RALGAPA2: variants seen among roughly 807,000 people sequenced by gnomAD.
RALGAPA2 encodes ral GTPase-activating protein subunit alpha-2.
Under a neutral mutation model 230.4 loss-of-function variants are expected in RALGAPA2, and 139 were observed. The observed-to-expected ratio is 0.60, with a 90% CI of 0.53 to 0.69. RALGAPA2 has a LOEUF of 0.69. Ranked by LOEUF, RALGAPA2 falls within the 30% of genes least tolerant of loss-of-function variation. The pLI is 0.00. For synonymous variants in RALGAPA2, 847 were observed against 837.8 expected (o/e 1.01, Z -0.19); for missense variants, 2,163 against 2,276.0 (o/e 0.95, Z 1.01).
intron 9 of RALGAPA2, among the ~76,000 whole-genome samples, chr20:20,631,153 G>C (rs1350867509): frequency 1.3e-5 from 2 of 152,190 alleles, no homozygotes; most frequent in Non-Finnish European, 2.9e-5. Context: ...TTGGAGCCCT[G>C]AGTAGGCATA....
intron 36 of RALGAPA2, among the ~76,000 whole-genome samples, chr20:20,490,996 G>A (rs536674058): frequency 1.3e-5 from 2 of 151,942 alleles, no homozygotes; most frequent in African/African-American, 2.4e-5. Context: ...GGAAAGGTAC[G>A]GGCAGCTAGG....
chr20:20,490,067 TA>T (rs1438692692), intron 36 of RALGAPA2, among the ~76,000 whole-genome samples: 1 of 152,196 alleles, frequency 6.6e-6, no homozygotes, highest in African/African-American at 2.4e-5. Context: ...TTGTGAAAGA[TA>T]AAACAGCAGC....
chr20:20,394,916 G>GAAAAA (rs2059679479), intron 39 of RALGAPA2, among the ~76,000 whole-genome samples: 1 of 123,928 alleles, frequency 8.1e-6, no homozygotes, highest in Non-Finnish European at 1.6e-5. Flanking sequence ...AAAAAGGCAA[G>GAAAAA]TAAATGAAAG....
At chr20:20,535,605 T>C in intron 26 of RALGAPA2, 140 bp downstream of exon 26, 1 of 1,264,530 alleles carries the variant, frequency 7.9e-7, no homozygotes, top group East Asian at 2.8e-5. Flanking sequence ...AGCATCTTCC[T>C]GGCATCATTC....
chr20:20,411,924 G>A, intron 38 of RALGAPA2, 103 bp downstream of exon 38: 2 of 1,428,678 alleles, frequency 1.4e-6, no homozygotes, highest in Non-Finnish European at 1.9e-6. Flanking sequence ...GAGGGAGAAT[G>A]CTCTTCTTAA....
At chr20:20,635,271 T>C (rs901546095) in intron 9 of RALGAPA2, 147 bp downstream of exon 9, 4 of 805,018 alleles carry the variant, frequency 5.0e-6, no homozygotes, top group African/African-American at 1.8e-5. Context: ...AACCTTGGCA[T>C]TACAGACAGG....
intron 23 of RALGAPA2, among the ~76,000 whole-genome samples, 189 bp downstream of exon 23, chr20:20,571,269 G>A (rs1318398492): frequency 1.3e-5 from 2 of 152,210 alleles, no homozygotes; most frequent in South Asian, 2.1e-4. Flanking sequence ...TCAGTGGGGA[G>A]AAGAAGCAGG....
chr20:20,410,576 A>C (rs6075654), intron 38 of RALGAPA2, among the ~76,000 whole-genome samples: 21,983 of 152,172 alleles, frequency 0.14, 4,791 homozygotes, highest in African/African-American at 0.47. Context: ...TTCACTGAAA[A>C]ATTAGAAACG....
intron 23 of RALGAPA2, among the ~76,000 whole-genome samples, chr20:20,550,228 A>C (rs1485663753): frequency 6.6e-6 from 1 of 152,186 alleles, no homozygotes; most frequent in Non-Finnish European, 1.5e-5. Flanking sequence ...TATGAGTGAG[A>C]ACATACAATG....
In RALGAPA2 at chr20:20,680,734, G is replaced by A. The variant is rs2068489313; in HGVS notation, c.174C>T (p.Phe58=). Residue 58 remains phenylalanine, a synonymous_variant, in exon 2 of 40, where the codon TTC becomes TTT. Coordinates refer to ENST00000202677, the MANE Select transcript of RALGAPA2 (RefSeq NM_020343.4). ...TTTCCAGTGCTATAAAATTTTCATAGAAGATGAAATATATCTGAGAATAGT... is the reference window on the plus strand; with the variant it reads ...TTTCCAGTGCTATAAAATTTTCATAAAAGATGAAATATATCTGAGAATAGT... ...ETNYSQIYFI[F]YENFIALENS... The A allele has an allele frequency of 6.3e-7, 1 of 1,581,802 alleles. No individual in the cohort carries two copies. Among genetic ancestry groups the A allele is most frequent in the East Asian group, 2.3e-5 (1 of 43,840 alleles).
chr20:20,664,799 T>C (rs2067904955), intron 3 of RALGAPA2, among the ~76,000 whole-genome samples: 1 of 152,100 alleles, frequency 6.6e-6, no homozygotes, highest in Non-Finnish European at 1.5e-5. Context: ...CCCCATAAAT[T>C]CAGAGGATTT....
At chr20:20,517,144 A>T (rs1461246957) in intron 31 of RALGAPA2, among the ~76,000 whole-genome samples, 2 of 152,188 alleles carry the variant, frequency 1.3e-5, no homozygotes, top group Non-Finnish European at 2.9e-5. Context: ...CGGTGGCTGC[A>T]TCCTCACAGA....
intron 11 of RALGAPA2, among the ~76,000 whole-genome samples, chr20:20,620,194 A>C (rs2066277734): frequency 6.6e-6 from 1 of 152,236 alleles, no homozygotes; most frequent in African/African-American, 2.4e-5. Flanking sequence ...ATGGCTTATT[A>C]AACAACTCTC....
At chr20:20,535,004 G>T (rs919703724) in intron 26 of RALGAPA2, among the ~76,000 whole-genome samples, 1 of 152,152 alleles carries the variant, frequency 6.6e-6, no homozygotes, top group African/African-American at 2.4e-5. Flanking sequence ...GATAACCAAA[G>T]AAATTAGACA....
chr20:20,564,059 G>C (rs2064339065), intron 23 of RALGAPA2, among the ~76,000 whole-genome samples: 1 of 152,070 alleles, frequency 6.6e-6, no homozygotes, highest in African/African-American at 2.4e-5. Flanking sequence ...TGTGGTTTAA[G>C]CTTCTTAAAA....
chr20:20,682,657 C>T (rs551769728), intron 1 of RALGAPA2, among the ~76,000 whole-genome samples: 2 of 152,164 alleles, frequency 1.3e-5, no homozygotes, highest in Non-Finnish European at 2.9e-5. Context: ...TAATCTGTCT[C>T]GTCTATGAGA....
chr20:20,640,912 A>T, intron 5 of RALGAPA2, 34 bp from the exon 6 acceptor site: 1 of 1,523,536 alleles, frequency 6.6e-7, no homozygotes, highest in Non-Finnish European at 9.0e-7. Flanking sequence ...AAAATGAAAC[A>T]CATGTATTTA....
At chr20:20,450,510 T>G (rs1177507580) in intron 37 of RALGAPA2, among the ~76,000 whole-genome samples, 1 of 152,244 alleles carries the variant, frequency 6.6e-6, no homozygotes, top group Non-Finnish European at 1.5e-5. Flanking sequence ...TATATCATTT[T>G]GATGGTCTCC....
intron 14 of RALGAPA2, among the ~76,000 whole-genome samples, chr20:20,606,495 C>T (rs941158843): frequency 2.6e-5 from 4 of 152,166 alleles, no homozygotes; most frequent in Non-Finnish European, 4.4e-5. Flanking sequence ...GTGCCTTCAC[C>T]TGCTCGCTCC....
Sources: allele counts gnomAD v4.1 joint callset (sites outside exome capture counted in the v4.1 genomes callset), GRCh38; gene constraint gnomAD v4.1.1; transcripts MANE v1.5; gene names NCBI Gene and HGNC (gene_info 2026-07-23, HGNC 2026-07-21).